SRSF11: variants seen among roughly 807,000 people sequenced by gnomAD.
SRSF11 encodes the protein serine and arginine rich splicing factor 11, also known as serine/arginine-rich splicing factor 11.
A neutral mutation model predicts 56.0 loss-of-function variants in SRSF11; 9 were observed. The observed-to-expected ratio is 0.16, with a 90% CI of 0.10 to 0.28. SRSF11 has a LOEUF of 0.28. SRSF11 is among the 10% of genes least tolerant of loss of function. The pLI, the probability that SRSF11 is intolerant of heterozygous loss-of-function variation, is 1.00. For synonymous variants in SRSF11, 222 were observed against 215.3 expected (o/e 1.03, Z -0.27); for missense variants, 421 against 600.7 (o/e 0.70, Z 3.13).
At chr1:70,227,881 T>A (rs565533108) in intron 1 of SRSF11, among the ~76,000 whole-genome samples, 4 of 152,216 alleles carry the variant, frequency 2.6e-5, no homozygotes, top group Admixed American at 2.0e-4. Flanking sequence ...AATCCTTGAT[T>A]ATTTACAGTG....
chr1:70,210,364 C>T (rs1306203078), intron 1 of SRSF11, among the ~76,000 whole-genome samples: 4 of 152,018 alleles, frequency 2.6e-5, no homozygotes, highest in Non-Finnish European at 5.9e-5. Context: ...CCCATATTGC[C>T]CAGACTGGTC....
chr1:70,214,370 T>C (rs1669819052), intron 1 of SRSF11, among the ~76,000 whole-genome samples: 2 of 152,300 alleles, frequency 1.3e-5, no homozygotes, highest in South Asian at 2.1e-4. Context: ...TACAAATAAA[T>C]TGATTCTGAT....
At chr1:70,244,584 G>A (rs1029475442) in intron 7 of SRSF11, 100 bp from the exon 8 acceptor site, 5 of 1,290,130 alleles carry the variant, frequency 3.9e-6, no homozygotes, top group East Asian at 2.4e-5. Context: ...CCATTTAATT[G>A]TTTAGTCCAT....
In SRSF11 at chr1:70,221,468, C is replaced by G. The variant is rs986489300; in HGVS notation, c.-169C>G. 2 of 991,238 alleles carry G rather than the reference C, an allele frequency of 2.0e-6. No homozygotes were observed. The highest frequency in any genetic ancestry group is 3.0e-6 in the Non-Finnish European group (2 of 677,068). 61.4% of individuals were successfully genotyped at this position (991,238 alleles called of 1,614,324 possible). On this transcript the variant is annotated 5_prime_UTR_variant, in exon 1 of 12. Transcript: ENST00000370949. Reference sequence around the variant, plus strand: ...CTCTCATCCCCTCCCCCGCGGCGTGCGGCGGGGCGGAGAAACGGCGGCGGC... The same window carrying G: ...CTCTCATCCCCTCCCCCGCGGCGTGGGGCGGGGCGGAGAAACGGCGGCGGC...
intron 6 of SRSF11, among the ~76,000 whole-genome samples, chr1:70,238,607 T>G (rs1208667808): frequency 2.0e-5 from 3 of 151,918 alleles, no homozygotes; most frequent in African/African-American, 7.3e-5. Flanking sequence ...GGAAGAGGAG[T>G]GATGAGCAGA....
At chr1:70,214,832 G>A (rs1167035558) in intron 1 of SRSF11, among the ~76,000 whole-genome samples, 1 of 148,848 alleles carries the variant, frequency 6.7e-6, no homozygotes. Flanking sequence ...TATAGAATTA[G>A]AAATACAGTA....
At chr1:70,213,756 C>T (rs921326913) in intron 1 of SRSF11, among the ~76,000 whole-genome samples, 4 of 152,046 alleles carry the variant, frequency 2.6e-5, no homozygotes, top group Admixed American at 2.0e-4. Context: ...ATGAGGTGGG[C>T]ATTATTATTA....
intron 4 of SRSF11, 104 bp downstream of exon 4, chr1:70,234,892 G>C (rs1053018161): frequency 4.4e-6 from 4 of 918,396 alleles, no homozygotes; most frequent in Admixed American, 2.8e-5. Context: ...CTATGTTGTA[G>C]TAATTTTTTT....
At chr1:70,241,957 A>T (rs1245535379) in intron 7 of SRSF11, among the ~76,000 whole-genome samples, 2 of 152,194 alleles carry the variant, frequency 1.3e-5, no homozygotes, top group Non-Finnish European at 2.9e-5. Context: ...TCACAAGGTC[A>T]GGAGATTGAG....
chr1:70,234,753 G>A lies in SRSF11; in HGVS notation c.505G>A (p.Ala169Thr), dbSNP rs1673580420. ...TCCTACTCTTGATCCTGCCCTTGCT[G>A]CACTTGGGCTTCCTGGAGCAAACTT... Reference protein sequence around the residue: ...GAPTLDPALAALGLPGANLNS... With the variant: ...GAPTLDPALATLGLPGANLNS... Residue 169 changes from alanine (A) to threonine (T), a missense_variant, in exon 4 of 12, where the codon GCA becomes ACA. Ala to Thr is a moderately conservative substitution (Grantham distance 58, BLOSUM62 0). Coordinates refer to ENST00000370949, the MANE Select transcript of SRSF11 (RefSeq NM_001350605.2). 4 of 1,610,266 alleles carry A rather than the reference G, an allele frequency of 2.5e-6. No individual in the cohort carries two copies. The highest frequency in any genetic ancestry group is 1.3e-5 in the African/African-American group (1 of 74,808).
intron 1 of SRSF11, among the ~76,000 whole-genome samples, chr1:70,212,787 A>G (rs907080809): frequency 6.6e-6 from 1 of 152,212 alleles, no homozygotes; most frequent in African/African-American, 2.4e-5. Flanking sequence ...AAGATGAGGA[A>G]AGCCAAGTGT....
intron 7 of SRSF11, among the ~76,000 whole-genome samples, chr1:70,241,839 A>G (rs1040964942): frequency 3.9e-5 from 6 of 152,198 alleles, no homozygotes; most frequent in African/African-American, 1.2e-4. Context: ...GATTACTACA[A>G]TTTATATGTG....
chr1:70,209,740 C>CCTTTTTTTTTTTTTTT (rs1669373589), intron 1 of SRSF11, among the ~76,000 whole-genome samples: 1 of 27,476 alleles, frequency 3.6e-5, no homozygotes, highest in African/African-American at 1.5e-4. Flanking sequence ...CACCTCGCTT[C>CCTTTTTTTTTTTTTTT]TTTTTTTTTT....
At chr1:70,232,142 A>G in intron 2 of SRSF11, 126 bp from the exon 3 acceptor site, 2 of 1,560,826 alleles carry the variant, frequency 1.3e-6, no homozygotes, top group Non-Finnish European at 1.7e-6. Flanking sequence ...CAAGCTTTGT[A>G]TTTTAGCGAA....
At chr1:70,228,367 C>A in intron 1 of SRSF11, 55 bp from the exon 2 acceptor site, 1 of 1,344,930 alleles carries the variant, frequency 7.4e-7, no homozygotes, top group Non-Finnish European at 1.0e-6. Flanking sequence ...TGTGAATTAG[C>A]ATTTGTTTTA....
At chr1:70,216,799 AC>A (rs1224534277), upstream of SRSF11, among the ~76,000 whole-genome samples, 1 of 152,188 alleles carries the variant, frequency 6.6e-6, no homozygotes, top group Non-Finnish European at 1.5e-5. Context: ...TCCCTTACTT[AC>A]ATCCAAAGAT....
At chr1:70,233,367 G>A (rs565567027) in intron 3 of SRSF11, among the ~76,000 whole-genome samples, 4 of 151,936 alleles carry the variant, frequency 2.6e-5, no homozygotes, top group African/African-American at 7.3e-5. Context: ...CCAGCCTCCC[G>A]AATAGCTAGG....
At chr1:70,248,896 A>G (rs1005004078) in intron 9 of SRSF11, 1 of 152,290 alleles carries the variant, frequency 6.6e-6, no homozygotes. Context: ...TATAAGGTGC[A>G]CAGTCGTGAC....
At chr1:70,221,297 G>A (rs1571628288), upstream of SRSF11, 1 of 307,382 alleles carries the variant, frequency 3.3e-6, no homozygotes, top group African/African-American at 2.2e-5. Context: ...CGGGCTGCAG[G>A]CGACGGCTGC....
Sources: allele counts gnomAD v4.1 joint callset (sites outside exome capture counted in the v4.1 genomes callset), GRCh38; gene constraint gnomAD v4.1.1; transcripts MANE v1.5; gene names NCBI Gene and HGNC (gene_info 2026-07-23, HGNC 2026-07-21).